Variants in MIPOL1 observed in about 807,000 individuals in gnomAD.
MIPOL1 encodes mirror-image polydactyly 1, also known as mirror-image polydactyly gene 1 protein.
MIPOL1 carries 57 observed loss-of-function variants against 60.9 expected under a neutral mutation model. The observed-to-expected ratio is 0.94, with a 90% confidence interval of 0.76 to 1.17. The LOEUF (loss-of-function observed/expected upper bound fraction) is 1.17, where lower values mean the gene tolerates loss of function less well. Among genes scored for constraint, MIPOL1 ranks in the 50% most tolerant of loss-of-function variants. MIPOL1 has a pLI of 0.00. For synonymous variants in MIPOL1, 179 were observed against 168.8 expected (o/e 1.06, Z -0.47); for missense variants, 551 against 511.6 (o/e 1.08, Z -0.74).
chr14:37,369,806 G>A (rs2092589572), intron 10 of MIPOL1, 182 bp downstream of exon 10: 4 of 355,912 alleles, frequency 1.1e-5, no homozygotes, highest in Non-Finnish European at 2.0e-5. Context: ...TTTCACGTAT[G>A]TGTACGTGAA....
intron 3 of MIPOL1, among the ~76,000 whole-genome samples, chr14:37,256,808 ATTGACCCTT>A (rs1975010856): frequency 6.6e-6 from 1 of 151,870 alleles, no homozygotes; most frequent in South Asian, 2.1e-4. Flanking sequence ...GATGTTCTAT[ATTGACCCTT>A]TATTATTTTT....
chr14:37,205,966 A>C (rs1966024890), intron 1 of MIPOL1, among the ~76,000 whole-genome samples: 1 of 152,210 alleles, frequency 6.6e-6, no homozygotes, highest in South Asian at 2.1e-4. Context: ...TAAGGGAAGC[A>C]GAGCATAAAA....
intron 9 of MIPOL1, among the ~76,000 whole-genome samples, chr14:37,353,658 T>G (rs1194592264): frequency 3.3e-5 from 5 of 151,890 alleles, no homozygotes; most frequent in Admixed American, 3.3e-4. Flanking sequence ...TCCAGGAATT[T>G]ATCCATTTCT....
chr14:37,309,098 G>A (rs548960204), intron 9 of MIPOL1, among the ~76,000 whole-genome samples: 2 of 137,102 alleles, frequency 1.5e-5, no homozygotes, highest in Non-Finnish European at 3.1e-5. Context: ...CTTGTTTCTT[G>A]TTATTTTATT....
chr14:37,490,453 A>C (rs2095031657), intron 11 of MIPOL1, among the ~76,000 whole-genome samples: 1 of 152,042 alleles, frequency 6.6e-6, no homozygotes, highest in South Asian at 2.1e-4. Context: ...TTTCCAGGGG[A>C]GTGAACGGTC....
At chr14:37,269,207 C>A (rs2083101895) in intron 5 of MIPOL1, among the ~76,000 whole-genome samples, 1 of 151,914 alleles carries the variant, frequency 6.6e-6, no homozygotes, top group Non-Finnish European at 1.5e-5. Flanking sequence ...TGTAATTAAA[C>A]ATTTCAGTAG....
chr14:37,349,496 T>C (rs1231108150), intron 9 of MIPOL1, among the ~76,000 whole-genome samples: 4 of 152,222 alleles, frequency 2.6e-5, no homozygotes, highest in South Asian at 2.1e-4. Flanking sequence ...TACAGGATTC[T>C]CCTTGCCATT....
chr14:37,252,668 TTC>T (rs1331221186), intron 3 of MIPOL1, among the ~76,000 whole-genome samples: 2 of 151,928 alleles, frequency 1.3e-5, no homozygotes, highest in African/African-American at 4.8e-5. Context: ...TCATTTATCT[TTC>T]TCTCTGTTCA....
At chr14:37,492,459 G>A (rs1297310427) in intron 11 of MIPOL1, among the ~76,000 whole-genome samples, 3 of 152,262 alleles carry the variant, frequency 2.0e-5, no homozygotes, top group Admixed American at 6.5e-5. Flanking sequence ...AAATACTTGA[G>A]TATTGTGTAA....
chr14:37,297,872 C>A (rs1342000784), intron 7 of MIPOL1, among the ~76,000 whole-genome samples: 1 of 152,018 alleles, frequency 6.6e-6, no homozygotes, highest in Non-Finnish European at 1.5e-5. Context: ...TGAAAATGGC[C>A]ATACTGCCCA....
At position 37,472,966 on chromosome 14, in the gene MIPOL1, G is replaced by A. The variant is rs1169876; in HGVS notation, c.1032-26942G>A. Reference sequence around the variant, plus strand: ...TTGTAACAGGCATAACTGAATTCAGGTCTGATTAGGTCCAATTTAGACACT... The same window carrying A: ...TTGTAACAGGCATAACTGAATTCAGATCTGATTAGGTCCAATTTAGACACT... On this transcript the variant is annotated intron_variant, in intron 11 of 12. Coordinates refer to ENST00000684589, the MANE Select transcript of MIPOL1 (RefSeq NM_001388067.1). 6.9e-3 allele frequency among the ~76,000 whole-genome samples: 1,051 copies of A among 152,196 alleles called. 12 individuals are homozygous for A. The highest frequency in any genetic ancestry group is 0.024 in the African/African-American group (1,013 of 41,524).
At chr14:37,445,038 C>T (rs1032595144) in intron 11 of MIPOL1, among the ~76,000 whole-genome samples, 1 of 152,164 alleles carries the variant, frequency 6.6e-6, no homozygotes, top group Non-Finnish European at 1.5e-5. Context: ...CCCTCTCTCA[C>T]CACTCCTATT....
chr14:37,435,737 T>G (rs1417015566), intron 11 of MIPOL1, among the ~76,000 whole-genome samples: 1 of 152,192 alleles, frequency 6.6e-6, no homozygotes, highest in Non-Finnish European at 1.5e-5. Context: ...CATTTTAACT[T>G]TCATTTCATA....
chr14:37,266,465 A>G (rs1233788453), intron 3 of MIPOL1, among the ~76,000 whole-genome samples: 1 of 152,200 alleles, frequency 6.6e-6, no homozygotes, highest in Non-Finnish European at 1.5e-5. Context: ...AAGCCTCTAT[A>G]TCATTAACAG....
At chr14:37,239,452 TA>T (rs1435000866) in intron 1 of MIPOL1, among the ~76,000 whole-genome samples, 2 of 152,124 alleles carry the variant, frequency 1.3e-5, no homozygotes, top group African/African-American at 2.4e-5. Context: ...AGATAGCTTT[TA>T]AAAAAATGTG....
chr14:37,478,827 G>T (rs1204384385), intron 11 of MIPOL1, among the ~76,000 whole-genome samples: 4 of 151,820 alleles, frequency 2.6e-5, no homozygotes, highest in Non-Finnish European at 4.4e-5. Context: ...ATAGAGGAGA[G>T]GGTTTATCAA....
chr14:37,232,534 C>T (rs1567083728), intron 1 of MIPOL1, among the ~76,000 whole-genome samples: 2 of 148,218 alleles, frequency 1.3e-5, no homozygotes, highest in Non-Finnish European at 3.0e-5. Flanking sequence ...CACAAGTCTT[C>T]TAATGTCATC....
intron 12 of MIPOL1, among the ~76,000 whole-genome samples, chr14:37,529,131 A>G (rs893486651): frequency 1.3e-5 from 2 of 152,220 alleles, no homozygotes; most frequent in Non-Finnish European, 2.9e-5. Context: ...GTAAGCATTA[A>G]TAGAAAAAAT....
At position 37,418,394 on chromosome 14, in the gene MIPOL1, A is replaced by G. The variant is rs549117575; in HGVS notation, c.937-4461A>G. Among the ~76,000 whole-genome samples the G allele has an allele frequency of 2.0e-5, 3 of 152,262 alleles. No individual in the cohort carries two copies. The South Asian group carries it at 6.2e-4, about 32-fold the overall frequency. ...TGTCCTATTTAGATGGCATTGGTCA[A>G]GACTGATATCAAGATAGGTAACTAT... is the stretch of plus-strand genomic sequence containing the variant. On this transcript the variant is annotated intron_variant, in intron 10 of 12. Transcript: ENST00000684589.
Sources: allele counts gnomAD v4.1 joint callset (sites outside exome capture counted in the v4.1 genomes callset), GRCh38; gene constraint gnomAD v4.1.1; transcripts MANE v1.5; gene names NCBI Gene and HGNC (gene_info 2026-07-23, HGNC 2026-07-21).